The following DNAAF9 variants were observed in gnomAD, a reference collection of about 807,000 sequenced individuals.
The protein encoded by DNAAF9 is dynein axonemal assembly factor 9, also known as shulin.
DNAAF9 carries 90 observed loss-of-function variants against 167.0 expected under a neutral mutation model. The ratio of observed to expected loss-of-function variants is 0.54; its 90% confidence interval spans 0.45 to 0.64. DNAAF9 has a LOEUF of 0.64. Among genes scored for constraint, DNAAF9 ranks in the 30% least tolerant of loss-of-function variants. DNAAF9 has a pLI of 0.00. For synonymous variants in DNAAF9, 491 were observed against 508.8 expected (o/e 0.96, Z 0.47); for missense variants, 1,315 against 1,442.2 (o/e 0.91, Z 1.43).
intron 1 of DNAAF9, among the ~76,000 whole-genome samples, chr20:3,401,189 A>ACTATCATG (rs2083978169): frequency 6.6e-6 from 1 of 152,102 alleles, no homozygotes; most frequent in Non-Finnish European, 1.5e-5. Flanking sequence ...CTAGAGTATC[A>ACTATCATG]CTATCATGAA....
chr20:3,372,066 G>A (rs972135807), intron 6 of DNAAF9, among the ~76,000 whole-genome samples: 2 of 152,206 alleles, frequency 1.3e-5, no homozygotes, highest in African/African-American at 4.8e-5. Context: ...TACCACATGA[G>A]GAACAAAACA....
At chr20:3,335,404 T>C (rs1052943677) in intron 10 of DNAAF9, among the ~76,000 whole-genome samples, 4 of 152,206 alleles carry the variant, frequency 2.6e-5, no homozygotes, top group Admixed American at 1.3e-4. Flanking sequence ...ATTTGAAATA[T>C]AGGTGCCACT....
At chr20:3,336,481 T>C (rs1384200500) in intron 10 of DNAAF9, among the ~76,000 whole-genome samples, 1 of 151,992 alleles carries the variant, frequency 6.6e-6, no homozygotes, top group Non-Finnish European at 1.5e-5. Context: ...TTCAAGTTCA[T>C]TGATTCTTTA....
Position 3,294,538 on chromosome 20 carries a change from CT to C in DNAAF9, c.2109del (p.Glu704SerfsTer19). 6.2e-7 allele frequency: 1 copy of C among 1,608,554 alleles called. No individual in the cohort carries two copies. Among genetic ancestry groups the C allele is most frequent in the African/African-American group, 1.3e-5 (1 of 74,920 alleles). ...AGAACCAGAGCTTACCAGTCCAGCT[CT>C]GGGAGTTTGGCTGAGAGTAACTTTA... ...SSLKLLSAKL[P>X]ELDWFLQHFA... On this transcript the variant is annotated frameshift_variant, in exon 24 of 37. Coordinates refer to ENST00000252032, the MANE Select transcript of DNAAF9 (RefSeq NM_001009984.3). LOFTEE classifies it high-confidence loss of function.
intron 6 of DNAAF9, among the ~76,000 whole-genome samples, chr20:3,364,320 G>C (rs2083402473): frequency 6.6e-6 from 1 of 151,962 alleles, no homozygotes; most frequent in African/African-American, 2.4e-5. Context: ...ATTTTACCTT[G>C]CTGGGTGCTA....
chr20:3,291,008 C>T (rs550705858), intron 25 of DNAAF9, among the ~76,000 whole-genome samples: 4 of 152,070 alleles, frequency 2.6e-5, no homozygotes, highest in African/African-American at 7.2e-5. Context: ...AGGCTGGTCT[C>T]GAACTCCTGA....
chr20:3,370,454 A>AG (rs140437596), intron 6 of DNAAF9, among the ~76,000 whole-genome samples: 37,708 of 150,746 alleles, frequency 0.25, 5,304 homozygotes, highest in African/African-American at 0.37. Flanking sequence ...ACTGTCGTCC[A>AG]GCTGGAGTGC....
chr20:3,256,158 T>C lies in DNAAF9; in HGVS notation c.3109A>G (p.Ile1037Val). 2 of 1,614,220 alleles carry C rather than the reference T, an allele frequency of 1.2e-6. No homozygotes were observed. Among genetic ancestry groups the C allele is most frequent in the Non-Finnish European group, 1.7e-6 (2 of 1,180,040 alleles). Residue 1037 changes from isoleucine to valine, a missense_variant, in exon 34 of 37, where the codon ATC (isoleucine) becomes GTC (valine). Ile to Val is a conservative substitution (Grantham distance 29, BLOSUM62 3). Coordinates refer to ENST00000252032, the MANE Select transcript of DNAAF9 (RefSeq NM_001009984.3). ...CYNTLANSLS[I>V]MPVLEGPTPP... ...GTGGGTCCTTCCAAAACTGGCATGA[T>C]GCTCAAGGAGTTGGCCAGTGTGTTG...
intron 27 of DNAAF9, among the ~76,000 whole-genome samples, chr20:3,283,793 A>G (rs2068802399): frequency 1.0e-5 from 1 of 99,568 alleles, no homozygotes; most frequent in Admixed American, 9.6e-5. Context: ...TGTAAGCAGT[A>G]GAGACTCATT....
intron 6 of DNAAF9, among the ~76,000 whole-genome samples, chr20:3,372,583 C>G (rs933739213): frequency 2.4e-4 from 36 of 152,140 alleles, no homozygotes; most frequent in Non-Finnish European, 7.4e-5. Context: ...ACCTTAAGGT[C>G]AGAAAACCTC....
intron 21 of DNAAF9, among the ~76,000 whole-genome samples, chr20:3,302,130 G>A (rs1364130149): frequency 6.6e-6 from 1 of 151,668 alleles, no homozygotes; most frequent in Non-Finnish European, 1.5e-5. Flanking sequence ...GTAGAGGTGG[G>A]GTTTCACCAT....
At chr20:3,398,584 T>C (rs1164563575) in intron 1 of DNAAF9, among the ~76,000 whole-genome samples, 2 of 152,210 alleles carry the variant, frequency 1.3e-5, no homozygotes, top group Admixed American at 6.5e-5. Context: ...ACATTAAGTA[T>C]AGAATCTAGG....
chr20:3,281,574 C>G, intron 28 of DNAAF9, 67 bp downstream of exon 28: 1 of 1,444,558 alleles, frequency 6.9e-7, no homozygotes, highest in Middle Eastern at 1.8e-4. Context: ...TCCAAAAGAT[C>G]TGTCTTCTTC....
chr20:3,291,622 C>A (rs1031607622), intron 25 of DNAAF9, among the ~76,000 whole-genome samples: 1 of 152,294 alleles, frequency 6.6e-6, no homozygotes, highest in South Asian at 2.1e-4. Context: ...GGATTACAGG[C>A]GTGAGCCACC....
chr20:3,304,577 G>GGCTGGGT (rs61296523), intron 20 of DNAAF9, 34 bp from the exon 21 acceptor site: 23,015 of 972,328 alleles, frequency 0.024, 440 homozygotes, highest in African/African-American at 0.076. Flanking sequence ...AGAGCTGGAG[G>GGCTGGGT]GCTGGGTGCT....
At chr20:3,388,084 A>G (rs1322952550) in intron 1 of DNAAF9, among the ~76,000 whole-genome samples, 1 of 149,974 alleles carries the variant, frequency 6.7e-6, no homozygotes, top group Non-Finnish European at 1.5e-5. Context: ...AAAAAAAAAG[A>G]AAAGAAAAGG....
intron 29 of DNAAF9, among the ~76,000 whole-genome samples, chr20:3,276,570 G>A (rs899149965): frequency 2.0e-5 from 3 of 152,226 alleles, no homozygotes; most frequent in Non-Finnish European, 2.9e-5. Context: ...TTTCTCTTGT[G>A]AGACAAGCCC....
rs900464892 is a variant in DNAAF9, at chr20:3,349,371, G to C, written c.691-748C>G. Among the ~76,000 whole-genome samples, 3 of 152,092 alleles carry C rather than the reference G, an allele frequency of 2.0e-5. No individual in the cohort carries two copies. In the South Asian group the frequency reaches 6.2e-4, roughly 32 times the overall value. The stretch of plus-strand genomic sequence containing the variant: ...CACTACAGCCTGGGTGACAGAACGA[G>C]ACTCTGTCTGAAAAATGAATGAATG... On this transcript the variant is annotated intron_variant, in intron 7 of 36. Coordinates refer to ENST00000252032, the MANE Select transcript of DNAAF9 (RefSeq NM_001009984.3).
At chr20:3,369,664 A>T (rs949435719) in intron 6 of DNAAF9, among the ~76,000 whole-genome samples, 52 of 152,322 alleles carry the variant, frequency 3.4e-4, no homozygotes, top group African/African-American at 1.1e-3. Context: ...GGTGTGAGCC[A>T]CCAAGCCCGG....
Sources: gnomAD v4.1 joint callset for allele counts (sites outside exome capture counted in the v4.1 genomes callset) on GRCh38, gnomAD v4.1.1 for gene constraint, MANE v1.5 for transcripts, NCBI Gene and HGNC (gene_info 2026-07-23, HGNC 2026-07-21) for gene names.